The following CEP112 variants were observed in gnomAD, a reference collection of about 807,000 sequenced individuals.
The protein encoded by CEP112 is centrosomal protein of 112 kDa.
In CEP112, 127 loss-of-function variants were observed where a neutral mutation model predicts 153.0. The ratio of observed to expected loss-of-function variants is 0.83; its 90% CI spans 0.72 to 0.96. The LOEUF (loss-of-function observed/expected upper bound fraction) is 0.96, where lower values mean the gene tolerates loss of function less well. Among genes scored for constraint, CEP112 ranks in the 40% least tolerant of loss-of-function variants. The pLI is 0.00. For synonymous variants in CEP112, 358 were observed against 374.4 expected (o/e 0.96, Z 0.51); for missense variants, 1,089 against 1,101.2 (o/e 0.99, Z 0.16).
chr17:65,695,835 G>T (rs559191586), intron 23 of CEP112, among the ~76,000 whole-genome samples: 4 of 152,284 alleles, frequency 2.6e-5, no homozygotes, highest in Admixed American at 2.0e-4. Context: ...CAACCCAAGA[G>T]CTGCTACCTT....
chr17:65,970,843 C>T (rs564694201), intron 17 of CEP112, among the ~76,000 whole-genome samples: 1,401 of 47,174 alleles, frequency 0.03, 17 homozygotes, highest in South Asian at 0.12. Flanking sequence ...ACATTACATG[C>T]ATATGTCATG....
At chr17:65,637,261 G>A (rs1003524494) in intron 25 of CEP112, 73 bp from the exon 26 acceptor site, 16 of 996,494 alleles carry the variant, frequency 1.6e-5, no homozygotes, top group Non-Finnish European at 2.4e-5. Flanking sequence ...AGTATGGTAA[G>A]ATTTTATTTA....
intron 8 of CEP112, among the ~76,000 whole-genome samples, chr17:66,074,007 C>G (rs2067393642): frequency 6.6e-6 from 1 of 152,056 alleles, no homozygotes; most frequent in African/African-American, 2.4e-5. Context: ...CCCAAGATGA[C>G]TCTACTTCAG....
At chr17:66,025,966 G>GGCC (rs2065189492) in intron 16 of CEP112, among the ~76,000 whole-genome samples, 1 of 22,962 alleles carries the variant, frequency 4.4e-5, no homozygotes, top group Non-Finnish European at 1.2e-4. Flanking sequence ...GATATATATA[G>GGCC]ACCACACACA....
intron 12 of CEP112, chr17:66,043,016 A>C (rs1341501415): frequency 1.3e-6 from 1 of 793,638 alleles, no homozygotes; most frequent in Admixed American, 6.2e-5. Flanking sequence ...ATGAATTATC[A>C]TATGTCACTA....
intron 4 of CEP112, among the ~76,000 whole-genome samples, chr17:66,171,041 T>C (rs117411661): frequency 4.6e-5 from 7 of 152,108 alleles, no homozygotes. Context: ...ATAAGCCAGA[T>C]GGAGTATGAC....
rs1242689416 is a variant in CEP112 at position 66,149,884 on chromosome 17, G to GTTTTTTTTTTT, written c.471-17122_471-17121insAAAAAAAAAAA. ...AAATTTAGGGTTTTTTTTTTTGTTT[G>GTTTTTTTTTTT]TTTGTTTTTTTTTTTTTTTTTTTTT... On this transcript the variant is annotated intron_variant, in intron 4 of 26. Transcript: ENST00000535342. Among the ~76,000 whole-genome samples the GTTTTTTTTTTT allele has an allele frequency of 8.3e-4, 39 of 46,818 alleles. 5 individuals carry two copies. The highest frequency in any genetic ancestry group is 9.9e-4 in the African/African-American group (12 of 12,094). The allele number at this position is 46,818 out of a possible 152,430, so 30.7% of individuals were successfully genotyped here.
intron 10 of CEP112, among the ~76,000 whole-genome samples, chr17:66,066,462 G>A (rs569647677): frequency 4.6e-5 from 7 of 152,062 alleles, no homozygotes; most frequent in Non-Finnish European, 8.8e-5. Flanking sequence ...TATGGCAGCT[G>A]TATCCCAATG....
At chr17:66,002,633 C>T (rs2064108591) in intron 17 of CEP112, among the ~76,000 whole-genome samples, 1 of 152,128 alleles carries the variant, frequency 6.6e-6, no homozygotes, top group Admixed American at 6.6e-5. Flanking sequence ...TAAGATGCCT[C>T]CCATTACCAG....
chr17:65,981,823 C>T (rs1341364004), intron 17 of CEP112, among the ~76,000 whole-genome samples: 1 of 152,150 alleles, frequency 6.6e-6, no homozygotes, highest in Admixed American at 6.5e-5. Flanking sequence ...GATCCATCTA[C>T]CTTGGCCTTC....
At chr17:65,913,818 T>A in intron 19 of CEP112, 1 of 985,454 alleles carries the variant, frequency 1.0e-6, no homozygotes, top group Non-Finnish European at 1.2e-6. Flanking sequence ...ATTAGCAAGC[T>A]GATAGATGAA....
At chr17:65,981,421 G>A (rs1170791313) in intron 17 of CEP112, among the ~76,000 whole-genome samples, 4 of 152,150 alleles carry the variant, frequency 2.6e-5, no homozygotes, top group African/African-American at 9.7e-5. Flanking sequence ...CACCAACATG[G>A]AAGATGTTTT....
chr17:65,669,107 G>T (rs1250938976), intron 24 of CEP112, among the ~76,000 whole-genome samples: 4 of 152,288 alleles, frequency 2.6e-5, no homozygotes, highest in Middle Eastern at 3.4e-3. Flanking sequence ...GGTGGGCAGG[G>T]GAAACATTTT....
chr17:65,763,818 A>ATGCT lies in CEP112; in HGVS notation c.2395-13098_2395-13095dup. 2.6e-5 allele frequency among the ~76,000 whole-genome samples: 4 copies of ATGCT among 152,110 alleles called. No individual in the cohort carries two copies. In the South Asian group the frequency reaches 8.3e-4, roughly 32 times the overall value. On this transcript the variant is annotated intron_variant, in intron 21 of 26. Transcript: ENST00000535342. ...TCTGTCATATATGAGTCTGGTTCTG[A>ATGCT]TGCTTGCTCTGTCTCTTCAAGCTGT...
intron 21 of CEP112, among the ~76,000 whole-genome samples, chr17:65,847,880 A>C (rs917980466): frequency 4.6e-5 from 7 of 152,194 alleles, no homozygotes; most frequent in Non-Finnish European, 8.8e-5. Context: ...CATGTGGAGA[A>C]GCATTCTGGA....
intron 15 of CEP112, 126 bp from the exon 16 acceptor site, chr17:66,027,686 T>A: frequency 3.0e-6 from 2 of 662,542 alleles, no homozygotes; most frequent in Non-Finnish European, 4.4e-6. Context: ...TGCATATGAT[T>A]AAGTAAGCCC....
chr17:66,088,768 C>T (rs959058475), intron 8 of CEP112, among the ~76,000 whole-genome samples: 1 of 152,144 alleles, frequency 6.6e-6, no homozygotes, highest in Non-Finnish European at 1.5e-5. Flanking sequence ...GGTGCCAAGC[C>T]AGCCCTCAGA....
At chr17:65,700,723 A>G (rs1255439842) in intron 23 of CEP112, among the ~76,000 whole-genome samples, 3 of 152,120 alleles carry the variant, frequency 2.0e-5, no homozygotes, top group Non-Finnish European at 2.9e-5. Context: ...AGATGATCAG[A>G]TTTCCAATAC....
intron 5 of CEP112, among the ~76,000 whole-genome samples, chr17:66,130,775 C>CAAAAAA (rs539232836): frequency 8.1e-5 from 7 of 85,966 alleles, no homozygotes; most frequent in Non-Finnish European, 1.1e-4. Context: ...GACTCCGTCT[C>CAAAAAA]AAAAAAAAAA....
Sources: allele counts gnomAD v4.1 joint callset (sites outside exome capture counted in the v4.1 genomes callset), GRCh38; gene constraint gnomAD v4.1.1; transcripts MANE v1.5; gene names NCBI Gene and HGNC (gene_info 2026-07-23, HGNC 2026-07-21).